TMEM87A: variants seen among roughly 807,000 people sequenced by gnomAD.
The protein encoded by TMEM87A is transmembrane protein 87A.
A neutral mutation model predicts 90.0 loss-of-function variants in TMEM87A; 50 were observed. The observed-to-expected ratio is 0.56, with a 90% confidence interval of 0.44 to 0.70. TMEM87A has a LOEUF of 0.70. Among genes scored for constraint, TMEM87A ranks in the 30% least tolerant of loss-of-function variants. The pLI, the probability that TMEM87A is intolerant of heterozygous loss-of-function variation, is 0.00. For missense variants in TMEM87A, 577 were observed against 660.5 expected (o/e 0.87, Z 1.39); for synonymous variants, 226 against 226.7 (o/e 1.00, Z 0.03).
intron 17 of TMEM87A, among the ~76,000 whole-genome samples, chr15:42,219,185 C>T (rs2050430354): frequency 6.6e-6 from 1 of 152,110 alleles, no homozygotes; most frequent in Non-Finnish European, 1.5e-5. Context: ...TTTTCATATA[C>T]TTGTTGGCCA....
chr15:42,237,630 G>C lies in TMEM87A; in HGVS notation c.685-15C>G. On this transcript the variant is annotated splice_polypyrimidine_tract_variant and intron_variant, in intron 8 of 19. Coordinates refer to ENST00000389834, the MANE Select transcript of TMEM87A (RefSeq NM_015497.5). ...ACCATGAAAAACTGTTATCAAATTG[G>C]GTAAAAGATAAAAAGGAGAATTAGG... 1 of 1,547,168 alleles carries C rather than the reference G, an allele frequency of 6.5e-7. No individual in the cohort carries two copies. Among genetic ancestry groups the C allele is most frequent in the Non-Finnish European group, 8.7e-7 (1 of 1,144,046 alleles).
At position 42,273,139 on chromosome 15, in the gene TMEM87A, C is replaced by T; in HGVS notation, c.144+116G>A. 8.2e-6 allele frequency: 11 copies of T among 1,342,328 alleles called. 1 individual carries two copies. Among genetic ancestry groups the T allele is most frequent in the Non-Finnish European group, 1.1e-5 (11 of 975,132 alleles). 83.2% of individuals were successfully genotyped at this position (1,342,328 alleles called of 1,614,324 possible). On this transcript the variant is annotated intron_variant, in intron 1 of 19. Coordinates refer to ENST00000389834, the MANE Select transcript of TMEM87A (RefSeq NM_015497.5). ...CAGTTGGCTAGCCACACAGACCATCCCAGCAACCCCACCCCTTTTGAAGAG... is the reference window on the plus strand; with the variant it reads ...CAGTTGGCTAGCCACACAGACCATCTCAGCAACCCCACCCCTTTTGAAGAG...
chr15:42,258,015 T>C, intron 6 of TMEM87A: 4 of 973,788 alleles, frequency 4.1e-6, no homozygotes, highest in Non-Finnish European at 4.9e-6. Context: ...TCTTCTGAGA[T>C]CAGAAAATAA....
At chr15:42,231,916 C>G in intron 11 of TMEM87A, 1 of 1,269,746 alleles carries the variant, frequency 7.9e-7, no homozygotes, top group South Asian at 1.3e-5. Context: ...AAGAAAAATA[C>G]TATAGCAACA....
intron 6 of TMEM87A, among the ~76,000 whole-genome samples, chr15:42,249,648 G>A (rs910698133): frequency 4.6e-5 from 7 of 150,864 alleles, no homozygotes; most frequent in Non-Finnish European, 1.0e-4. Context: ...TCTGAGAGAC[G>A]GTTGTGACTT....
intron 19 of TMEM87A, among the ~76,000 whole-genome samples, chr15:42,214,948 C>T (rs571153943): frequency 3.9e-5 from 6 of 152,250 alleles, no homozygotes; most frequent in East Asian, 1.9e-4. Flanking sequence ...CATACAGTCA[C>T]GTATACTTAA....
At chr15:42,258,772 C>T (rs1462284236) in intron 6 of TMEM87A, 1 of 1,435,442 alleles carries the variant, frequency 7.0e-7, no homozygotes, top group Non-Finnish European at 9.1e-7. Flanking sequence ...GACTGTCATG[C>T]CTAACTTACA....
At chr15:42,228,155 TG>T (rs1192708742) in intron 13 of TMEM87A, among the ~76,000 whole-genome samples, 3 of 152,084 alleles carry the variant, frequency 2.0e-5, no homozygotes, top group Non-Finnish European at 2.9e-5. Context: ...GCTGGTCAGA[TG>T]AAAAAAAATG....
intron 15 of TMEM87A, 89 bp from the exon 16 acceptor site, chr15:42,220,224 A>G: frequency 1.1e-6 from 1 of 892,564 alleles, no homozygotes; most frequent in East Asian, 2.5e-5. Context: ...AATTATTGAA[A>G]CTGCAATTAT....
At chr15:42,266,072 T>C (rs138124963) in intron 3 of TMEM87A, among the ~76,000 whole-genome samples, 1,536 of 152,330 alleles carry the variant, frequency 0.01, 31 homozygotes, top group African/African-American at 0.036. Flanking sequence ...TTGGTCTTTG[T>C]GTCTGTTTTG....
intron 19 of TMEM87A, among the ~76,000 whole-genome samples, chr15:42,212,406 A>C (rs1042009185): frequency 6.6e-6 from 1 of 152,128 alleles, no homozygotes; most frequent in Non-Finnish European, 1.5e-5. Context: ...TTTTGAATAT[A>C]ATCAATCACA....
At chr15:42,230,926 C>T (rs903041370) in intron 12 of TMEM87A, among the ~76,000 whole-genome samples, 3 of 152,036 alleles carry the variant, frequency 2.0e-5, no homozygotes, top group African/African-American at 7.2e-5. Context: ...AGATGAAATG[C>T]TCACTTAAAA....
chr15:42,250,017 T>C (rs573658814), intron 6 of TMEM87A, among the ~76,000 whole-genome samples: 32 of 152,340 alleles, frequency 2.1e-4, no homozygotes, highest in African/African-American at 7.5e-4. Flanking sequence ...CCTTTACCAT[T>C]ATGTAATGGC....
upstream of TMEM87A, chr15:42,273,545 T>A (rs2051610389): frequency 1.5e-6 from 2 of 1,365,346 alleles, no homozygotes; most frequent in Admixed American, 2.4e-5. Context: ...GGCCCCTCTC[T>A]CAGACAGTCG....
At chr15:42,235,705 C>T (rs2050757546) in intron 10 of TMEM87A, among the ~76,000 whole-genome samples, 1 of 152,204 alleles carries the variant, frequency 6.6e-6, no homozygotes, top group Admixed American at 6.5e-5. Context: ...GCTTAAATGT[C>T]ATTAAGTGAA....
intron 3 of TMEM87A, 40 bp from the exon 4 acceptor site, chr15:42,264,243 CA>C: frequency 7.1e-7 from 1 of 1,411,848 alleles, no homozygotes; most frequent in Non-Finnish European, 9.9e-7. Context: ...ACTCACCTTC[CA>C]AAAAATAAGA....
At position 42,211,638 on chromosome 15, in the gene TMEM87A, C is replaced by G; in HGVS notation, c.*70G>C. 6.8e-7 allele frequency: 1 copy of G among 1,472,642 alleles called. No homozygotes were observed. Among genetic ancestry groups the G allele is most frequent in the Non-Finnish European group, 9.5e-7 (1 of 1,057,216 alleles). 91.2% of individuals were successfully genotyped at this position (1,472,642 alleles called of 1,614,324 possible). A position where few individuals can be genotyped will look rare whatever the true frequency, so the allele number is the denominator to read the frequency against. Reference sequence around the variant, plus strand: ...CTTCCTTTAATCCCATGGAGCCGTACAGAAGACTGACACAGATGCTGATCT... The same window carrying G: ...CTTCCTTTAATCCCATGGAGCCGTAGAGAAGACTGACACAGATGCTGATCT... On this transcript the variant is annotated 3_prime_UTR_variant, in exon 20 of 20. Transcript: ENST00000389834.
chr15:42,218,378 G>C lies in TMEM87A; in HGVS notation c.1540C>G (p.Gln514Glu). The change falls in exon 18 of 20, where the codon CAG becomes GAG. Residue 514 changes from glutamine (Q) to glutamate (E), a missense_variant and splice_region_variant. Physicochemically the swap from Gln to Glu is conservative, Grantham distance 29. Transcript: ENST00000389834. ...PNGNSKVNKA[Q>E]EDDLKWVEEN... Reference sequence around the variant, plus strand: ...TCTACCCACTTCAAATCATCTTCCTGCTGGGAACATACAAATACCACTCAT... The same window carrying C: ...TCTACCCACTTCAAATCATCTTCCTCCTGGGAACATACAAATACCACTCAT... 1 of 1,613,560 alleles carries C rather than the reference G, an allele frequency of 6.2e-7. No homozygotes were observed. Among genetic ancestry groups the C allele is most frequent in the East Asian group, 2.2e-5 (1 of 44,796 alleles).
intron 6 of TMEM87A, among the ~76,000 whole-genome samples, chr15:42,256,719 T>G (rs997424211): frequency 1.3e-5 from 2 of 152,110 alleles, no homozygotes; most frequent in African/African-American, 4.8e-5. Flanking sequence ...ACAATAATTT[T>G]TTTGCTGTTG....
Sources: gnomAD v4.1 joint callset for allele counts (sites outside exome capture counted in the v4.1 genomes callset) on GRCh38, gnomAD v4.1.1 for gene constraint, MANE v1.5 for transcripts, NCBI Gene and HGNC (gene_info 2026-07-23, HGNC 2026-07-21) for gene names.